Variants in INO80 observed in about 807,000 individuals in gnomAD.
The protein encoded by INO80 is INO80 complex ATPase subunit.
In INO80, 20 loss-of-function variants were observed where a neutral mutation model predicts 203.4. The observed-to-expected ratio is 0.10, with a 90% CI of 0.07 to 0.14. The LOEUF (loss-of-function observed/expected upper bound fraction) is 0.14. INO80 is among the 10% of genes least tolerant of loss of function. The pLI is 1.00. For missense variants in INO80, 1,419 were observed against 1,914.4 expected (o/e 0.74, Z 4.83); for synonymous variants, 726 against 685.2 (o/e 1.06, Z -0.93).
At chr15:41,034,463 C>T (rs774100588) in intron 24 of INO80, among the ~76,000 whole-genome samples, 1 of 152,132 alleles carries the variant, frequency 6.6e-6, no homozygotes, top group Non-Finnish European at 1.5e-5. Context: ...GATCTGTCTC[C>T]ACAGAGGAAG....
At chr15:41,104,728 C>G (rs913997773) in intron 1 of INO80, among the ~76,000 whole-genome samples, 7 of 151,814 alleles carry the variant, frequency 4.6e-5, no homozygotes, top group Non-Finnish European at 1.0e-4. Context: ...TTAGTAGAGA[C>G]GAGGTTTCAC....
chr15:41,062,372 C>T lies in INO80; in HGVS notation c.1783-2446G>A, dbSNP rs866928321. On this transcript the variant is annotated intron_variant, in intron 14 of 35. Coordinates refer to ENST00000648947, the MANE Select transcript of INO80 (RefSeq NM_017553.3). ...ATCTCAGCACTCTGGGAGGCTGAGG[C>T]GGATGGATCACCTGAGGCCAGGAGT... Among the ~76,000 whole-genome samples the T allele has an allele frequency of 2.0e-5, 3 of 151,888 alleles. No individual in the cohort carries two copies. The South Asian group carries it at 6.2e-4, about 32-fold the overall frequency.
intron 14 of INO80, among the ~76,000 whole-genome samples, chr15:41,069,249 CT>C (rs1468374005): frequency 1.3e-5 from 2 of 152,100 alleles, no homozygotes; most frequent in Admixed American, 6.6e-5. Flanking sequence ...CCTCACCCCC[CT>C]GGCCCTGCCC....
intron 23 of INO80, among the ~76,000 whole-genome samples, chr15:41,045,841 C>T (rs1354439696): frequency 6.6e-6 from 1 of 151,524 alleles, no homozygotes; most frequent in African/African-American, 2.4e-5. Context: ...GCGGAGGTTG[C>T]AGTGAGCCAA....
Position 41,048,282 on chromosome 15 carries a change from AAGT to A in INO80, c.2577-9_2577-7del. The A allele has an allele frequency of 6.2e-7, 1 of 1,608,034 alleles. No homozygotes were observed. Among genetic ancestry groups the A allele is most frequent in the Non-Finnish European group, 8.5e-7 (1 of 1,174,732 alleles). On this transcript the variant is annotated splice_polypyrimidine_tract_variant and splice_region_variant and intron_variant, in intron 21 of 35. Transcript: ENST00000648947. ...GAGAAAGAACCCTTAACCACCTGCAAAGTAAGTAAATAAAATAAAGCCAAACCC... is the reference window on the plus strand; with the variant it reads ...GAGAAAGAACCCTTAACCACCTGCAAAAGTAAATAAAATAAAGCCAAACCC...
At chr15:41,080,340 A>AC (rs1249865716) in intron 8 of INO80, among the ~76,000 whole-genome samples, 1 of 152,164 alleles carries the variant, frequency 6.6e-6, no homozygotes, top group East Asian at 1.9e-4. Flanking sequence ...TTGAATGACT[A>AC]CCCCAGAGAA....
rs1205932520 is a variant in INO80, at chr15:41,046,202, CAT to C, written c.2736-1129_2736-1128del. 5.5e-5 allele frequency among the ~76,000 whole-genome samples: 6 copies of C among 109,468 alleles called. No individual in the cohort carries two copies. In the South Asian group the frequency reaches 1.2e-3, roughly 22 times the overall value. 71.8% of individuals were successfully genotyped at this position (109,468 alleles called of 152,430 possible). ...CTGTGTGTGTCTCTGTGTGCGTATA[CAT>C]ACATATATATATATATATATATATA... On this transcript the variant is annotated intron_variant, in intron 23 of 35. Coordinates refer to ENST00000648947, the MANE Select transcript of INO80 (RefSeq NM_017553.3).
chr15:41,114,658 G>C (rs929731249), intron 1 of INO80, among the ~76,000 whole-genome samples: 5 of 151,314 alleles, frequency 3.3e-5, no homozygotes, highest in African/African-American at 1.2e-4. Context: ...GCAGTGAGTC[G>C]GGACCCCGCC....
Position 41,071,741 on chromosome 15 carries a change from A to T in INO80, c.1605+108T>A, listed in dbSNP as rs976246993. On this transcript the variant is annotated intron_variant, in intron 12 of 35. Coordinates refer to ENST00000648947, the MANE Select transcript of INO80 (RefSeq NM_017553.3). ...CTCCCAAAGTGCTGGAATTGCAGGC[A>T]TGAGCCACCGCGCTCAGCCAGATCT... 20 of 1,005,530 alleles carry T rather than the reference A, an allele frequency of 2.0e-5. No homozygotes were observed. In the East Asian group the frequency reaches 4.1e-4, roughly 21 times the overall value. The allele number at this position is 1,005,530 out of a possible 1,614,324, so 62.3% of individuals were successfully genotyped here. A position where few individuals can be genotyped will look rare whatever the true frequency, so the allele number is the denominator to read the frequency against.
intron 31 of INO80, 102 bp downstream of exon 31, chr15:40,986,989 C>T (rs2043744566): frequency 1.6e-6 from 1 of 622,666 alleles, no homozygotes. Flanking sequence ...AAATACTTTC[C>T]CTAAATACAG....
intron 12 of INO80, among the ~76,000 whole-genome samples, chr15:41,071,353 G>A (rs1005410919): frequency 7.9e-5 from 12 of 151,464 alleles, no homozygotes; most frequent in Admixed American, 4.0e-4. Flanking sequence ...CCATTAACTC[G>A]TCATTTACAT....
intron 9 of INO80, among the ~76,000 whole-genome samples, chr15:41,079,363 G>A (rs1269929578): frequency 6.6e-6 from 1 of 152,052 alleles, no homozygotes; most frequent in Non-Finnish European, 1.5e-5. Flanking sequence ...GCCCAGAATA[G>A]AGGAAGACAG....
rs781725481 is a variant in INO80, at chr15:41,096,270, G to A, written c.41C>T (p.Thr14Ile). Residue 14 changes from threonine (T) to isoleucine (I), a missense_variant, in exon 2 of 36, where the codon ACT (threonine) becomes ATT (isoleucine). Thr to Ile is a moderately conservative substitution (Grantham distance 89). This residue lies in a region of INO80 where 323 missense variants were observed against 325.4 expected (regional missense o/e 0.99). Coordinates refer to ENST00000648947, the MANE Select transcript of INO80 (RefSeq NM_017553.3). ...AAGATAGAGGGGCTTTGCCAGCTCA[G>A]TGCAGCCTCCATCATCCCTGGCACC... ...ELGARDDGGC[T>I]ELAKPLYLQY... is the part of the protein sequence containing the mutation. The A allele has an allele frequency of 7.5e-6, 12 of 1,607,928 alleles. No homozygotes were observed. In the African/African-American group the frequency reaches 1.5e-4, roughly 20 times the overall value.
At chr15:41,093,381 C>T (rs554426867) in intron 4 of INO80, among the ~76,000 whole-genome samples, 15 of 151,556 alleles carry the variant, frequency 9.9e-5, no homozygotes, top group Admixed American at 5.9e-4. Flanking sequence ...GCTGAGATCA[C>T]GCCACTGCAC....
At chr15:41,055,477 T>C in intron 17 of INO80, 113 bp from the exon 18 acceptor site, 1 of 448,198 alleles carries the variant, frequency 2.2e-6, no homozygotes, top group Non-Finnish European at 3.9e-6. Context: ...CCTAGATGCA[T>C]GTGTATGTGT....
At chr15:41,046,657 G>A (rs2044772743) in intron 23 of INO80, among the ~76,000 whole-genome samples, 1 of 151,928 alleles carries the variant, frequency 6.6e-6, no homozygotes, top group African/African-American at 2.4e-5. Context: ...TCATTCTGTT[G>A]TCCAGGTGGG....
At chr15:41,058,973 A>G (rs949877608) in intron 15 of INO80, among the ~76,000 whole-genome samples, 192 bp from the exon 16 acceptor site, 1 of 152,034 alleles carries the variant, frequency 6.6e-6, no homozygotes, top group African/African-American at 2.4e-5. Context: ...GCTGTTGTTG[A>G]GAGGGTCTCA....
At chr15:41,027,791 A>G in intron 24 of INO80, 55 bp from the exon 25 acceptor site, 1 of 1,403,556 alleles carries the variant, frequency 7.1e-7, no homozygotes, top group Non-Finnish European at 9.6e-7. Context: ...AATGTAAGCA[A>G]AATGAAAAAA....
chr15:41,097,986 AATG>A (rs1299641076), intron 1 of INO80, among the ~76,000 whole-genome samples: 3 of 151,962 alleles, frequency 2.0e-5, no homozygotes, highest in Admixed American at 6.6e-5. Flanking sequence ...AACTAAATGA[AATG>A]ATAAGTTTTT....
Sources: allele counts gnomAD v4.1 joint callset (sites outside exome capture counted in the v4.1 genomes callset), GRCh38; gene constraint gnomAD v4.1.1; regional missense constraint gnomAD v4.1.1; transcripts MANE v1.5; gene names NCBI Gene and HGNC (gene_info 2026-07-23, HGNC 2026-07-21).